CAPZA1: variants seen among roughly 807,000 people sequenced by gnomAD.
CAPZA1 encodes F-actin-capping protein subunit alpha-1.
A neutral mutation model predicts 40.8 loss-of-function variants in CAPZA1; 10 were observed. The observed-to-expected ratio is 0.25, with a 90% CI of 0.15 to 0.42. The LOEUF (loss-of-function observed/expected upper bound fraction) is 0.42, where lower values mean the gene tolerates loss of function less well. Among genes scored for constraint, CAPZA1 ranks in the 10% least tolerant of loss-of-function variants. The pLI is 1.00. For missense variants in CAPZA1, 277 were observed against 353.8 expected (o/e 0.78, Z 1.74); for synonymous variants, 98 against 115.0 (o/e 0.85, Z 0.95).
intron 1 of CAPZA1, among the ~76,000 whole-genome samples, chr1:112,644,317 A>G (rs1268510256): frequency 6.7e-6 from 1 of 148,190 alleles, no homozygotes; most frequent in African/African-American, 2.5e-5. Context: ...CAGCTTCCCA[A>G]GTAGCTGGGA....
chr1:112,648,375 A>C (rs1194077474), intron 2 of CAPZA1, among the ~76,000 whole-genome samples: 1 of 91,302 alleles, frequency 1.1e-5, no homozygotes, highest in African/African-American at 4.5e-5. Flanking sequence ...TTTTTGACGG[A>C]GTCTTGCTTT....
At chr1:112,649,826 T>G (rs918324968) in intron 3 of CAPZA1, 1 of 243,056 alleles carries the variant, frequency 4.1e-6, no homozygotes, top group African/African-American at 2.3e-5. Flanking sequence ...ATGATAATGT[T>G]TAAGAATAGC....
chr1:112,647,214 G>C lies in CAPZA1; in HGVS notation c.44G>C (p.Arg15Pro), dbSNP rs764250947. 1.3e-6 allele frequency: 2 copies of C among 1,506,626 alleles called. No homozygotes were observed. The highest frequency in any genetic ancestry group is 1.9e-5 in the Admixed American group (1 of 53,904). The allele number at this position is 1,506,626 out of a possible 1,614,324, so 93.3% of individuals were successfully genotyped here. ...GTAAATTTTGTTTCTCTTTAGGTAC[G>C]CATAGCTGCTAAATTCATCACTCAT... ...DDRVSDEEKV[R>P]IAAKFITHAP... is the part of the protein sequence containing the mutation. The change falls in exon 2 of 10, where the codon CGC becomes CCC. Residue 15 changes from arginine to proline, a missense_variant. This residue lies in a region of CAPZA1 where 85 missense variants were observed against 76.5 expected (regional missense o/e 1.11). Coordinates refer to ENST00000263168, the MANE Select transcript of CAPZA1 (RefSeq NM_006135.3).
At chr1:112,668,600 C>T (rs958537322) in intron 8 of CAPZA1, among the ~76,000 whole-genome samples, 1 of 152,142 alleles carries the variant, frequency 6.6e-6, no homozygotes, top group Admixed American at 6.5e-5. Flanking sequence ...ATTCTCCTGC[C>T]TCAGGCTCCC....
intron 1 of CAPZA1, among the ~76,000 whole-genome samples, chr1:112,629,678 T>C (rs1670882937): frequency 6.6e-6 from 1 of 152,220 alleles, no homozygotes; most frequent in Non-Finnish European, 1.5e-5. Flanking sequence ...TCAGAAAGCT[T>C]TAGCAAGTGG....
In CAPZA1 at chr1:112,647,283, G is replaced by A; in HGVS notation, c.103+10G>A. 1 of 1,422,892 alleles carries A rather than the reference G, an allele frequency of 7.0e-7. No homozygotes were observed. The highest frequency in any genetic ancestry group is 1.6e-5 in the South Asian group (1 of 64,124). 88.1% of individuals were successfully genotyped at this position (1,422,892 alleles called of 1,614,324 possible). A position where few individuals can be genotyped will look rare whatever the true frequency, so the allele number is the denominator to read the frequency against. ...AATGAAGTATTCAATGGTGAGTAAA[G>A]ATTAGTATTTTAATCCCTCCTTAAT... On this transcript the variant is annotated intron_variant, in intron 2 of 9. Coordinates refer to ENST00000263168, the MANE Select transcript of CAPZA1 (RefSeq NM_006135.3).
intron 1 of CAPZA1, among the ~76,000 whole-genome samples, chr1:112,624,050 A>T (rs1057249636): frequency 4.0e-5 from 6 of 151,226 alleles, no homozygotes; most frequent in African/African-American, 1.2e-4. Context: ...AAATCCTAGG[A>T]CAGGAGCATA....
chr1:112,656,318 G>A (rs1158886414), intron 5 of CAPZA1, among the ~76,000 whole-genome samples: 2 of 151,972 alleles, frequency 1.3e-5, no homozygotes, highest in South Asian at 2.1e-4. Context: ...TTATCTCATA[G>A]AGTTGTTGTG....
intron 8 of CAPZA1, among the ~76,000 whole-genome samples, chr1:112,669,076 G>A (rs533311134): frequency 4.0e-4 from 61 of 152,274 alleles, no homozygotes; most frequent in African/African-American, 1.3e-3. Flanking sequence ...TGATTGGCTA[G>A]TTTAACATCA....
chr1:112,620,670 C>A (rs1570694019), intron 1 of CAPZA1: 1 of 152,320 alleles, frequency 6.6e-6, no homozygotes, highest in Non-Finnish European at 1.5e-5. Flanking sequence ...CAAGACTGAA[C>A]AAAGCATCCT....
intron 5 of CAPZA1, among the ~76,000 whole-genome samples, chr1:112,657,344 G>GCAT (rs1671518676): frequency 6.6e-6 from 1 of 151,598 alleles, no homozygotes; most frequent in African/African-American, 2.4e-5. Flanking sequence ...ATCTCTCTCT[G>GCAT]CATCACCACC....
intron 1 of CAPZA1, 105 bp downstream of exon 1, chr1:112,619,988 T>C: frequency 1.1e-6 from 1 of 913,282 alleles, no homozygotes; most frequent in African/African-American, 1.7e-5. Flanking sequence ...AAGAAGCTTC[T>C]TGGTCCATGC....
chr1:112,644,915 A>G lies in CAPZA1; in HGVS notation c.40-2295A>G, dbSNP rs182361327. ...CAGTTTAAGAATCAAGAAGGAAAGGATCCAGAACAGTCTTAGAGTAGATTA... is the reference window on the plus strand; with the variant it reads ...CAGTTTAAGAATCAAGAAGGAAAGGGTCCAGAACAGTCTTAGAGTAGATTA... On this transcript the variant is annotated intron_variant, in intron 1 of 9. Transcript: ENST00000263168. Among the ~76,000 whole-genome samples, 138 of 152,330 alleles carry G rather than the reference A, an allele frequency of 9.1e-4. 1 individual carries two copies. The highest frequency in any genetic ancestry group is 3.2e-3 in the African/African-American group (133 of 41,572).
Position 112,670,353 on chromosome 1 carries a change from TCTTTTTTTC to T in CAPZA1, c.*222_*230del. 1 of 334,066 alleles carries T rather than the reference TCTTTTTTTC, an allele frequency of 3.0e-6. No homozygotes were observed. The highest frequency in any genetic ancestry group is 3.3e-5 in the African/African-American group (1 of 30,194). The allele number at this position is 334,066 out of a possible 1,614,324, so 20.7% of individuals were successfully genotyped here. On this transcript the variant is annotated 3_prime_UTR_variant, in exon 10 of 10. Transcript: ENST00000263168. ...TGTTACTGCTATATCTACGTGTAAA[TCTTTTTTTC>T]TTTTTTTTTTTTTTTTTTTGGTTAA... is the stretch of plus-strand genomic sequence containing the variant.
rs1409186030 is a variant in CAPZA1, at chr1:112,670,631, A to G, written c.*499A>G. On this transcript the variant is annotated 3_prime_UTR_variant, in exon 10 of 10. Coordinates refer to ENST00000263168, the MANE Select transcript of CAPZA1 (RefSeq NM_006135.3). ...AGACACATTCATCCTTCTCCCTCTG[A>G]CTGCTTTGATCATCATTTATTGCAT... 2 of 152,662 alleles carry G rather than the reference A, an allele frequency of 1.3e-5. No individual in the cohort carries two copies. Among genetic ancestry groups the G allele is most frequent in the Non-Finnish European group, 2.9e-5 (2 of 68,118 alleles). The allele number at this position is 152,662 out of a possible 1,614,324, so 9.5% of individuals were successfully genotyped here. A position where few individuals can be genotyped will look rare whatever the true frequency, so the allele number is the denominator to read the frequency against.
At chr1:112,647,791 C>A (rs894619066) in intron 2 of CAPZA1, among the ~76,000 whole-genome samples, 3 of 152,102 alleles carry the variant, frequency 2.0e-5, no homozygotes, top group African/African-American at 7.2e-5. Context: ...AGTTCTTTAC[C>A]AGGTGATTCT....
At chr1:112,635,416 T>A (rs1488084987) in intron 1 of CAPZA1, among the ~76,000 whole-genome samples, 1 of 152,188 alleles carries the variant, frequency 6.6e-6, no homozygotes, top group Non-Finnish European at 1.5e-5. Context: ...ACCAGGCCTT[T>A]GCTGATAAGT....
At chr1:112,642,512 G>A (rs1379830367) in intron 1 of CAPZA1, among the ~76,000 whole-genome samples, 1 of 152,014 alleles carries the variant, frequency 6.6e-6, no homozygotes, top group Non-Finnish European at 1.5e-5. Flanking sequence ...ACCGCGCCTG[G>A]CCGACCACCC....
intron 1 of CAPZA1, among the ~76,000 whole-genome samples, chr1:112,641,581 A>G (rs955830118): frequency 1.3e-5 from 2 of 152,052 alleles, no homozygotes; most frequent in Non-Finnish European, 2.9e-5. Flanking sequence ...TGTGGCTTAT[A>G]TCTGTTAAAT....
Sources: allele counts gnomAD v4.1 joint callset (sites outside exome capture counted in the v4.1 genomes callset), GRCh38; gene constraint gnomAD v4.1.1; regional missense constraint gnomAD v4.1.1; transcripts MANE v1.5; gene names NCBI Gene and HGNC (gene_info 2026-07-23, HGNC 2026-07-21).